Variants in NPAS3 observed in about 807,000 individuals in gnomAD.
NPAS3 encodes the protein neuronal PAS domain-containing protein 3.
A neutral mutation model predicts 73.1 loss-of-function variants in NPAS3; 14 were observed. That is an observed-to-expected ratio of 0.19 (90% CI 0.13 to 0.30). The LOEUF (loss-of-function observed/expected upper bound fraction) is 0.30. Ranked by LOEUF, NPAS3 falls within the 10% of genes least tolerant of loss-of-function variation. The probability of loss-of-function intolerance (pLI) is 1.00; values close to 1 mark genes in which losing one functional copy is unlikely to be tolerated. For synonymous variants in NPAS3, 620 were observed against 541.5 expected, an observed-to-expected ratio of 1.14 and a Z score of -2.01; for missense variants, 1,096 against 1,250.0, an observed-to-expected ratio of 0.88 and a Z score of 1.86.
Position 33,486,214 on chromosome 14 carries a change from T to G in NPAS3, c.469-73907T>G, listed in dbSNP as rs928548279. Among the ~76,000 whole-genome samples, 27 of 151,882 alleles carry G rather than the reference T, an allele frequency of 1.8e-4. 1 individual carries two copies. The highest frequency in any genetic ancestry group is 6.0e-4 in the African/African-American group (25 of 41,344). On this transcript the variant is annotated intron_variant, in intron 4 of 11. Coordinates refer to ENST00000356141, the Ensembl canonical transcript of NPAS3. ...GCTGTTCTGGTACCAACACAAGTCA[T>G]AGAGAGAAATAGATAGTCTAACGGC...
chr14:33,110,495 G>A (rs1431525064), intron 2 of NPAS3, among the ~76,000 whole-genome samples: 2 of 152,084 alleles, frequency 1.3e-5, no homozygotes. Context: ...TCTGTGATAC[G>A]CTGTTTTACT....
intron 2 of NPAS3, among the ~76,000 whole-genome samples, chr14:33,162,589 G>C (rs974186894): frequency 6.6e-6 from 1 of 152,032 alleles, no homozygotes; most frequent in Non-Finnish European, 1.5e-5. Flanking sequence ...TCTCATGTTT[G>C]TGACTTGACT....
intron 4 of NPAS3, among the ~76,000 whole-genome samples, chr14:33,460,293 C>T (rs755279396): frequency 6.6e-6 from 1 of 152,204 alleles, no homozygotes; most frequent in Non-Finnish European, 1.5e-5. Flanking sequence ...TCACTTCCCT[C>T]TGGGCAGGGT....
chr14:33,361,898 C>T (rs1322295084), intron 3 of NPAS3, among the ~76,000 whole-genome samples: 3 of 152,034 alleles, frequency 2.0e-5, no homozygotes, highest in Admixed American at 6.5e-5. Context: ...ATTAACAATG[C>T]GTGTCCCTAT....
chr14:33,186,006 T>C (rs2139472310), intron 2 of NPAS3, among the ~76,000 whole-genome samples: 1 of 152,292 alleles, frequency 6.6e-6, no homozygotes, highest in South Asian at 2.1e-4. Flanking sequence ...TGATGAGAAA[T>C]GCTTGGGTCT....
chr14:32,971,311 C>A lies in NPAS3; in HGVS notation c.50+31945C>A, dbSNP rs188235257. Among the ~76,000 whole-genome samples the A allele has an allele frequency of 3.5e-4, 53 of 152,266 alleles. No homozygotes were observed. The South Asian group carries it at 4.8e-3, about 14-fold the overall frequency. On this transcript the variant is annotated intron_variant, in intron 1 of 11. Coordinates refer to ENST00000356141, the Ensembl canonical transcript of NPAS3. Reference sequence around the variant, plus strand: ...TGTTAGCCAGGCTGGTCTCGAATTCCTGACCTCAAGTGATCCACCTGCCTT... The same window carrying A: ...TGTTAGCCAGGCTGGTCTCGAATTCATGACCTCAAGTGATCCACCTGCCTT...
chr14:33,402,733 G>T (rs1397434996), intron 4 of NPAS3, among the ~76,000 whole-genome samples: 1 of 152,142 alleles, frequency 6.6e-6, no homozygotes, highest in Non-Finnish European at 1.5e-5. Context: ...ATTCAGGTAT[G>T]CTTTCCCTCA....
chr14:33,731,943 T>C (rs2061413508), intron 6 of NPAS3, among the ~76,000 whole-genome samples: 2 of 152,188 alleles, frequency 1.3e-5, no homozygotes, highest in African/African-American at 4.8e-5. Context: ...TGGGCGCAAC[T>C]GGGCTTTGAC....
chr14:32,972,945 T>C (rs1308973032), intron 1 of NPAS3, among the ~76,000 whole-genome samples: 1 of 152,226 alleles, frequency 6.6e-6, no homozygotes. Flanking sequence ...TTTTAATGGT[T>C]AGCACATATG....
chr14:33,270,778 G>A (rs1370572115), intron 3 of NPAS3, among the ~76,000 whole-genome samples: 2 of 152,086 alleles, frequency 1.3e-5, no homozygotes, highest in Non-Finnish European at 2.9e-5. Context: ...TTATTTGACA[G>A]GCCATCCTAG....
chr14:33,015,942 A>G (rs1225130208), intron 1 of NPAS3, among the ~76,000 whole-genome samples: 1 of 152,232 alleles, frequency 6.6e-6, no homozygotes, highest in African/African-American at 2.4e-5. Flanking sequence ...GGGTATGGAT[A>G]AAATAATTGA....
At chr14:33,215,157 C>T (rs780490441) in intron 2 of NPAS3, 25 bp from the exon 3 acceptor site, 4 of 1,610,846 alleles carry the variant, frequency 2.5e-6, no homozygotes, top group Non-Finnish European at 3.4e-6. Flanking sequence ...TTCTAAACCA[C>T]ACATTCTCAC....
rs1322522099 is a variant in NPAS3, at chr14:33,199,713, CCTT to C, written c.141-15461_141-15459del. Among the ~76,000 whole-genome samples, 4 of 147,956 alleles carry C rather than the reference CCTT, an allele frequency of 2.7e-5. No homozygotes were observed. The East Asian group carries it at 6.2e-4, about 23-fold the overall frequency. On this transcript the variant is annotated intron_variant, in intron 2 of 11. Coordinates refer to ENST00000356141, the Ensembl canonical transcript of NPAS3. ...TTGCCCCCTGCCCTTTTCCCCTCCCCCTTCTTCTTCCCCTCCCTCTTTCCCTCC... is the reference window on the plus strand; with the variant it reads ...TTGCCCCCTGCCCTTTTCCCCTCCCCCTTCTTCCCCTCCCTCTTTCCCTCC...
Position 33,650,818 on chromosome 14 carries a change from C to T in NPAS3, c.559-25393C>T, listed in dbSNP as rs573321269. Among the ~76,000 whole-genome samples, 14 of 152,302 alleles carry T rather than the reference C, an allele frequency of 9.2e-5. No homozygotes were observed. The South Asian group carries it at 2.5e-3, about 27-fold the overall frequency. On this transcript the variant is annotated intron_variant, in intron 5 of 11. Transcript: ENST00000356141. ...CCATGCCTCTGCCAGGAGCAGCAGC[C>T]TATCTCTCGTGGTGAGCCCCTCAAA...
chr14:33,711,068 G>A (rs991120384), intron 6 of NPAS3, among the ~76,000 whole-genome samples: 1 of 152,140 alleles, frequency 6.6e-6, no homozygotes, highest in Non-Finnish European at 1.5e-5. Context: ...ACTGAAGCCC[G>A]TCTACTATTA....
chr14:33,074,337 T>G (rs937340798), intron 2 of NPAS3, among the ~76,000 whole-genome samples: 1 of 152,220 alleles, frequency 6.6e-6, no homozygotes, highest in Non-Finnish European at 1.5e-5. Flanking sequence ...TTGTATTTGT[T>G]AGTGAATGCT....
At chr14:33,542,645 A>T (rs1273980028) in intron 4 of NPAS3, among the ~76,000 whole-genome samples, 1 of 152,242 alleles carries the variant, frequency 6.6e-6, no homozygotes, top group Non-Finnish European at 1.5e-5. Context: ...AAGAAGAAAA[A>T]TTAACTTAGG....
At chr14:33,107,729 A>G (rs1230439692) in intron 2 of NPAS3, among the ~76,000 whole-genome samples, 2 of 152,166 alleles carry the variant, frequency 1.3e-5, no homozygotes, top group African/African-American at 4.8e-5. Context: ...TTTCTACAAA[A>G]TGATAGAAGT....
chr14:33,702,021 T>A (rs1437191813), intron 6 of NPAS3, among the ~76,000 whole-genome samples: 5 of 152,228 alleles, frequency 3.3e-5, no homozygotes, highest in Admixed American at 1.3e-4. Context: ...ATTGTCAAAC[T>A]GTTCAGCCTT....
Sources: gnomAD v4.1 joint callset for allele counts (sites outside exome capture counted in the v4.1 genomes callset) on GRCh38, gnomAD v4.1.1 for gene constraint, MANE v1.5 for transcripts, NCBI Gene and HGNC (gene_info 2026-07-23, HGNC 2026-07-21) for gene names.